Variants in CDH2 observed in about 807,000 individuals in gnomAD.
CDH2 encodes the protein cadherin 2.
A neutral mutation model predicts 92.0 loss-of-function variants in CDH2; 17 were observed. The ratio of observed to expected loss-of-function variants is 0.18; its 90% CI spans 0.13 to 0.28. The LOEUF is 0.28. Among genes scored for constraint, CDH2 ranks in the 10% least tolerant of loss-of-function variants. The pLI is 1.00. For synonymous variants in CDH2, 419 were observed against 415.9 expected, an observed-to-expected ratio of 1.01 and a Z score of -0.09; for missense variants, 862 against 1,133.1, an observed-to-expected ratio of 0.76 and a Z score of 3.44.
chr18:28,019,504 T>A lies in CDH2; in HGVS notation c.173-5595A>T, dbSNP rs2013349913. 1.3e-5 allele frequency among the ~76,000 whole-genome samples: 2 copies of A among 152,068 alleles called. 1 individual carries two copies. The highest frequency in any genetic ancestry group is 4.1e-4 in the South Asian group (2 of 4,822). Reference sequence around the variant, plus strand: ...ACTGTTACTTATTTGGATTCAGGTGTCACAGTGCTTGAGGGAGGAAAGAAG... The same window carrying A: ...ACTGTTACTTATTTGGATTCAGGTGACACAGTGCTTGAGGGAGGAAAGAAG... On this transcript the variant is annotated intron_variant, in intron 2 of 15. Transcript: ENST00000269141.
At chr18:28,119,564 T>C (rs1598488471) in intron 2 of CDH2, among the ~76,000 whole-genome samples, 1 of 152,276 alleles carries the variant, frequency 6.6e-6, no homozygotes, top group East Asian at 1.9e-4. Flanking sequence ...TATTGAGCAA[T>C]ATTGAGTGGA....
chr18:28,010,194 C>T lies in CDH2; in HGVS notation c.547-322G>A, dbSNP rs545496648. On this transcript the variant is annotated intron_variant, in intron 4 of 15. Transcript: ENST00000269141. Reference sequence around the variant, plus strand: ...CTGTCCTGGGAGTTTCTAGGTTAGACGATTTAACATAGTAAGAGCTGTCCA... The same window carrying T: ...CTGTCCTGGGAGTTTCTAGGTTAGATGATTTAACATAGTAAGAGCTGTCCA... Among the ~76,000 whole-genome samples, 8 of 152,214 alleles carry T rather than the reference C, an allele frequency of 5.3e-5. 1 individual carries two copies. The highest frequency in any genetic ancestry group is 2.1e-4 in the South Asian group (1 of 4,812).
intron 6 of CDH2, among the ~76,000 whole-genome samples, chr18:27,933,283 G>GGA (rs1333139410): frequency 2.6e-5 from 4 of 151,974 alleles, no homozygotes; most frequent in African/African-American, 9.7e-5. Context: ...ATATATAAAG[G>GGA]GAATTTATTT....
At chr18:28,002,916 T>G in intron 7 of CDH2, 81 bp downstream of exon 7, 255 of 1,147,050 alleles carry the variant, frequency 2.2e-4, no homozygotes, top group Non-Finnish European at 3.1e-4. Flanking sequence ...TATTGTGATG[T>G]GGAGATAAAA....
At chr18:28,057,524 T>C (rs1033749570) in intron 2 of CDH2, among the ~76,000 whole-genome samples, 1 of 151,966 alleles carries the variant, frequency 6.6e-6, no homozygotes, top group Non-Finnish European at 1.5e-5. Flanking sequence ...AAAAATCAGC[T>C]GGGCATGGTG....
At chr18:28,020,966 T>C (rs1332116979) in intron 2 of CDH2, among the ~76,000 whole-genome samples, 5 of 151,972 alleles carry the variant, frequency 3.3e-5, no homozygotes, top group Non-Finnish European at 7.4e-5. Context: ...GTAAAGTTTA[T>C]TAAGTTGAAA....
intron 2 of CDH2, among the ~76,000 whole-genome samples, chr18:28,127,868 A>G (rs891680029): frequency 1.3e-5 from 2 of 152,244 alleles, no homozygotes; most frequent in East Asian, 3.9e-4. Context: ...GTGCACAGGT[A>G]TCAAAGCACA....
At chr18:28,157,988 A>G (rs1252936661) in intron 1 of CDH2, among the ~76,000 whole-genome samples, 2 of 152,182 alleles carry the variant, frequency 1.3e-5, no homozygotes, top group East Asian at 3.9e-4. Context: ...TGAACTCTTT[A>G]TACACTTTAT....
At chr18:28,029,086 A>C (rs1273063488) in intron 2 of CDH2, among the ~76,000 whole-genome samples, 1 of 152,148 alleles carries the variant, frequency 6.6e-6, no homozygotes, top group East Asian at 1.9e-4. Flanking sequence ...AACTTTTCAA[A>C]GAATTATTGC....
At chr18:28,022,778 A>G (rs1222631567) in intron 2 of CDH2, among the ~76,000 whole-genome samples, 2 of 152,120 alleles carry the variant, frequency 1.3e-5, no homozygotes, top group Admixed American at 6.6e-5. Flanking sequence ...TACTTTTTTT[A>G]GGTTTTCAAT....
chr18:27,943,569 A>C (rs1180606948), intron 6 of CDH2, among the ~76,000 whole-genome samples: 1 of 152,216 alleles, frequency 6.6e-6, no homozygotes, highest in African/African-American at 2.4e-5. Flanking sequence ...AATTGTTAAA[A>C]TGTGGGAAGT....
intron 2 of CDH2, among the ~76,000 whole-genome samples, chr18:28,141,857 T>C (rs945901457): frequency 2.6e-5 from 4 of 152,070 alleles, no homozygotes; most frequent in African/African-American, 9.7e-5. Flanking sequence ...CTGTTAGCTC[T>C]CTTTGTAATG....
chr18:28,154,487 T>C (rs181805235), intron 1 of CDH2, among the ~76,000 whole-genome samples: 108 of 152,356 alleles, frequency 7.1e-4, no homozygotes, highest in Admixed American at 6.6e-3. Context: ...ATCGACCTCC[T>C]TGTCTAGAGA....
intron 14 of CDH2, among the ~76,000 whole-genome samples, chr18:27,968,165 G>T (rs946676488): frequency 6.6e-6 from 1 of 152,128 alleles, no homozygotes; most frequent in African/African-American, 2.4e-5. Context: ...TTCTCATGTG[G>T]TATTGCATTA....
At chr18:28,034,924 A>G (rs2013788881) in intron 2 of CDH2, among the ~76,000 whole-genome samples, 1 of 152,094 alleles carries the variant, frequency 6.6e-6, no homozygotes. Context: ...AACTCTTTAG[A>G]GCACAATTCT....
At chr18:28,115,529 C>T (rs182390196) in intron 2 of CDH2, among the ~76,000 whole-genome samples, 1 of 152,238 alleles carries the variant, frequency 6.6e-6, no homozygotes, top group Non-Finnish European at 1.5e-5. Flanking sequence ...CCACTGGTTC[C>T]TGGTATCTTG....
intron 2 of CDH2, among the ~76,000 whole-genome samples, chr18:28,120,264 T>C (rs1338056750): frequency 6.6e-6 from 1 of 151,886 alleles, no homozygotes; most frequent in Non-Finnish European, 1.5e-5. Context: ...ATGTGTGTCA[T>C]ATATATATAT....
chr18:28,001,014 C>T (rs973592591), intron 7 of CDH2, among the ~76,000 whole-genome samples: 3 of 151,928 alleles, frequency 2.0e-5, no homozygotes, highest in Non-Finnish European at 4.4e-5. Context: ...TGTTAAATGA[C>T]TTTCAGAAAA....
intron 2 of CDH2, among the ~76,000 whole-genome samples, chr18:28,093,442 A>C (rs1227098508): frequency 6.6e-6 from 1 of 152,176 alleles, no homozygotes; most frequent in Non-Finnish European, 1.5e-5. Context: ...GGGAATCAAT[A>C]ATATAGATTT....
Sources: allele counts gnomAD v4.1 joint callset (sites outside exome capture counted in the v4.1 genomes callset), GRCh38; gene constraint gnomAD v4.1.1; transcripts MANE v1.5; gene names NCBI Gene and HGNC (gene_info 2026-07-23, HGNC 2026-07-21).